The following BTBD7 variants were observed in gnomAD, a reference collection of about 807,000 sequenced individuals.
BTBD7 encodes BTB/POZ domain-containing protein 7.
Under a neutral mutation model 99.9 loss-of-function variants are expected in BTBD7, and 38 were observed. That is an observed-to-expected ratio of 0.38 (90% CI 0.29 to 0.50). BTBD7 has a LOEUF of 0.50. BTBD7 is among the 20% of genes least tolerant of loss of function. The pLI is 0.93. For synonymous variants in BTBD7, 520 were observed against 511.4 expected (o/e 1.02, Z -0.23); for missense variants, 1,170 against 1,394.6 (o/e 0.84, Z 2.57).
intron 2 of BTBD7, 123 bp from the exon 3 acceptor site, chr14:93,295,060 G>GT (rs1271381705): frequency 3.2e-5 from 31 of 959,458 alleles, no homozygotes; most frequent in Non-Finnish European, 4.2e-5. Flanking sequence ...AATTGCATTT[G>GT]TTTTTTATAA....
chr14:93,253,604 T>G, intron 7 of BTBD7, 43 bp downstream of exon 7: 1 of 1,556,594 alleles, frequency 6.4e-7, no homozygotes, highest in Non-Finnish European at 8.8e-7. Flanking sequence ...GTGCATATGG[T>G]TTGTAATAAA....
chr14:93,320,344 T>C (rs1317637852), intron 1 of BTBD7, among the ~76,000 whole-genome samples: 1 of 152,144 alleles, frequency 6.6e-6, no homozygotes, highest in Admixed American at 6.5e-5. Flanking sequence ...AGGGGAAGGA[T>C]ACTATTTGCC....
In BTBD7 at chr14:93,331,879, T is replaced by TC. The variant is rs71129629; in HGVS notation, c.-107+940dup. Among the ~76,000 whole-genome samples the TC allele has an allele frequency of 4.8e-3, 641 of 133,142 alleles. 33 individuals are homozygous for TC. Among genetic ancestry groups the TC allele is most frequent in the African/African-American group, 7.7e-3 (226 of 29,342 alleles). The allele number at this position is 133,142 out of a possible 152,430, so 87.3% of individuals were successfully genotyped here. On this transcript the variant is annotated intron_variant, in intron 1 of 10. Coordinates refer to ENST00000334746, the MANE Select transcript of BTBD7 (RefSeq NM_001002860.4). Reference sequence around the variant, plus strand: ...CTGGGTGACAGAGCGAGACTCCGTCTCCCCCCCCCCAAAAAGGTTGTTAGT... The same window carrying TC: ...CTGGGTGACAGAGCGAGACTCCGTCTCCCCCCCCCCCAAAAAGGTTGTTAGT...
At chr14:93,325,800 T>C (rs1011372345) in intron 1 of BTBD7, among the ~76,000 whole-genome samples, 1 of 152,200 alleles carries the variant, frequency 6.6e-6, no homozygotes, top group Admixed American at 6.5e-5. Flanking sequence ...CTATTTTGAA[T>C]CCTGTAACTT....
In BTBD7 at chr14:93,241,089, C is replaced by A. The variant is rs79912934; in HGVS notation, c.*1184G>T. ...TCCGCCATCACAGCTGGAGAGTTGA[C>A]GCTCAGAACCAGAAATTCTGTCAGT... On this transcript the variant is annotated 3_prime_UTR_variant, in exon 11 of 11. Transcript: ENST00000334746. The A allele has an allele frequency of 1.3e-5, 2 of 151,902 alleles. No individual in the cohort carries two copies. Among genetic ancestry groups the A allele is most frequent in the Non-Finnish European group, 2.9e-5 (2 of 68,002 alleles). The allele number at this position is 151,902 out of a possible 1,614,324, so 9.4% of individuals were successfully genotyped here. A position where few individuals can be genotyped will look rare whatever the true frequency, so the allele number is the denominator to read the frequency against.
intron 3 of BTBD7, among the ~76,000 whole-genome samples, chr14:93,292,933 T>C (rs2052876114): frequency 6.6e-6 from 1 of 152,238 alleles, no homozygotes; most frequent in African/African-American, 2.4e-5. Context: ...GCTTTCCTTA[T>C]TTAAATTCAT....
chr14:93,295,911 G>A (rs570303408), intron 2 of BTBD7, 59 bp downstream of exon 2: 19 of 1,533,970 alleles, frequency 1.2e-5, no homozygotes, highest in African/African-American at 9.6e-5. Flanking sequence ...AGAGACTACC[G>A]AAAACACAAT....
chr14:93,295,882 C>A (rs1282592815), intron 2 of BTBD7, 88 bp downstream of exon 2: 32 of 1,184,950 alleles, frequency 2.7e-5, no homozygotes, highest in Non-Finnish European at 3.9e-5. Flanking sequence ...AACTACAGCT[C>A]ACTTCTTTTG....
At chr14:93,253,041 A>G (rs2052386639) in intron 7 of BTBD7, among the ~76,000 whole-genome samples, 1 of 152,246 alleles carries the variant, frequency 6.6e-6, no homozygotes, top group South Asian at 2.1e-4. Context: ...GTTGCCCAGG[A>G]TGGACCCCGG....
At chr14:93,324,675 A>T (rs755229028) in intron 1 of BTBD7, among the ~76,000 whole-genome samples, 2 of 152,328 alleles carry the variant, frequency 1.3e-5, no homozygotes, top group South Asian at 4.1e-4. Context: ...CCTTGTTCAC[A>T]TACAAGAGAG....
intron 8 of BTBD7, 60 bp from the exon 9 acceptor site, chr14:93,248,714 T>A: frequency 3.5e-6 from 5 of 1,439,844 alleles, no homozygotes; most frequent in Non-Finnish European, 3.7e-6. Flanking sequence ...GACGACCCCG[T>A]GAGCCCAAGG....
chr14:93,248,654 A>G lies in BTBD7; in HGVS notation c.1943T>C (p.Val648Ala), dbSNP rs2052339752. The change falls in exon 9 of 11, where the codon GTT becomes GCT. Residue 648 changes from valine (V) to alanine (A), a missense_variant and splice_region_variant. Transcript: ENST00000334746. ...PPSVVANEIPVPRLLIMKDMV... is the reference protein window; with the variant it reads ...PPSVVANEIPAPRLLIMKDMV... Reference sequence around the variant, plus strand: ...GTCTTTCATAATGAGGAGACGAGGAACTGGAAGGAGAACAACAGTGGGCAA... The same window carrying G: ...GTCTTTCATAATGAGGAGACGAGGAGCTGGAAGGAGAACAACAGTGGGCAA... 1 of 1,602,616 alleles carries G rather than the reference A, an allele frequency of 6.2e-7. No homozygotes were observed. Among genetic ancestry groups the G allele is most frequent in the African/African-American group, 1.3e-5 (1 of 74,750 alleles).
At chr14:93,248,051 T>C (rs1194183106) in intron 9 of BTBD7, among the ~76,000 whole-genome samples, 1 of 152,262 alleles carries the variant, frequency 6.6e-6, no homozygotes, top group African/African-American at 2.4e-5. Flanking sequence ...CAGACTTTTC[T>C]ACTTCCATGC....
chr14:93,312,078 G>GT (rs920581809), intron 1 of BTBD7, among the ~76,000 whole-genome samples: 3 of 151,962 alleles, frequency 2.0e-5, no homozygotes, highest in African/African-American at 7.3e-5. Flanking sequence ...TACATTCCCT[G>GT]TTTTTTTGGC....
rs1430384038 is a variant in BTBD7 at position 93,240,119 on chromosome 14, C to G, written c.*2154G>C. On this transcript the variant is annotated 3_prime_UTR_variant, in exon 11 of 11. Coordinates refer to ENST00000334746, the MANE Select transcript of BTBD7 (RefSeq NM_001002860.4). ...AATGAGAACAGAGGCCTATGCTTTTCTCTTTAAAAAAGGAGCCTCGAATGC... is the reference window on the plus strand; with the variant it reads ...AATGAGAACAGAGGCCTATGCTTTTGTCTTTAAAAAAGGAGCCTCGAATGC... The G allele has an allele frequency of 6.6e-6, 1 of 152,268 alleles. No homozygotes were observed. Among genetic ancestry groups the G allele is most frequent in the Non-Finnish European group, 1.5e-5 (1 of 68,034 alleles). The allele number at this position is 152,268 out of a possible 1,614,324, so 9.4% of individuals were successfully genotyped here.
intron 1 of BTBD7, 45 bp downstream of exon 1, chr14:93,332,775 C>T: frequency 6.9e-7 from 1 of 1,458,704 alleles, no homozygotes; most frequent in South Asian, 1.3e-5. Flanking sequence ...CCACACCGGA[C>T]ACAGCCTCGG....
chr14:93,263,938 G>A lies in BTBD7; in HGVS notation c.1218C>T (p.Leu406=), dbSNP rs2052515919. 1.2e-6 allele frequency: 2 copies of A among 1,614,092 alleles called. No individual in the cohort carries two copies. The highest frequency in any genetic ancestry group is 1.7e-6 in the Non-Finnish European group (2 of 1,180,036). The change falls in exon 4 of 11, where the codon CTC becomes CTT. Residue 406 remains leucine, a synonymous_variant. Coordinates refer to ENST00000334746, the MANE Select transcript of BTBD7 (RefSeq NM_001002860.4). ...SISLDTLIAI[L]KWSSHPYGSK... ...AGCCATATGGATGAGAACTCCACTTGAGGATGGCAATTAAGGTATCTAATG... is the reference window on the plus strand; with the variant it reads ...AGCCATATGGATGAGAACTCCACTTAAGGATGGCAATTAAGGTATCTAATG...
intron 3 of BTBD7, 91 bp from the exon 4 acceptor site, chr14:93,264,084 T>C (rs1344515043): frequency 1.7e-6 from 2 of 1,180,362 alleles, no homozygotes; most frequent in Middle Eastern, 2.2e-4. Context: ...AAAGTCACAA[T>C]AGCAAAAAAG....
chr14:93,278,118 A>T (rs1001332629), intron 3 of BTBD7, among the ~76,000 whole-genome samples: 2 of 152,354 alleles, frequency 1.3e-5, no homozygotes, highest in Middle Eastern at 3.4e-3. Context: ...ACAGCCATGT[A>T]ATTATGTTTT....
Sources: gnomAD v4.1 joint callset for allele counts (sites outside exome capture counted in the v4.1 genomes callset) on GRCh38, gnomAD v4.1.1 for gene constraint, MANE v1.5 for transcripts, NCBI Gene and HGNC (gene_info 2026-07-23, HGNC 2026-07-21) for gene names.